The following CPXM2 variants were observed in gnomAD, a reference collection of about 807,000 sequenced individuals.
CPXM2 encodes the protein carboxypeptidase X, M14 family member 2, also known as inactive carboxypeptidase-like protein X2.
In CPXM2, 66 loss-of-function variants were observed where a neutral mutation model predicts 86.1. The observed-to-expected ratio is 0.77, with a 90% CI of 0.63 to 0.94. The LOEUF is 0.94. Among genes scored for constraint, CPXM2 ranks in the 40% least tolerant of loss-of-function variants. CPXM2 has a pLI of 0.00. For missense variants in CPXM2, 948 were observed against 1,026.3 expected, an observed-to-expected ratio of 0.92 and a Z score of 1.04; for synonymous variants, 388 against 400.2, an observed-to-expected ratio of 0.97 and a Z score of 0.36.
rs943131352 is a variant in CPXM2 at position 123,751,425 on chromosome 10, C to T, written c.2017+3238G>A. The T allele has an allele frequency of 1.7e-5, 14 of 835,602 alleles. No individual in the cohort carries two copies. In the Admixed American group the frequency reaches 3.7e-4, roughly 22 times the overall value. The allele number at this position is 835,602 out of a possible 1,614,324, so 51.8% of individuals were successfully genotyped here. A position where few individuals can be genotyped will look rare whatever the true frequency, so the allele number is the denominator to read the frequency against. ...TTTGCCCTTCCGAAGTTTTGCAAAA[C>T]GTCCTGACCTTCTAAGAAGGTTTGC... On this transcript the variant is annotated intron_variant, in intron 13 of 13. Transcript: ENST00000241305.
intron 2 of CPXM2, among the ~76,000 whole-genome samples, chr10:123,866,250 C>CT (rs1346175255): frequency 3.2e-4 from 48 of 152,112 alleles, no homozygotes; most frequent in African/African-American, 9.4e-4. Context: ...TGCCACTCAG[C>CT]GTCCAATCAC....
intron 2 of CPXM2, among the ~76,000 whole-genome samples, chr10:123,932,573 C>T (rs1484494993): frequency 6.6e-6 from 1 of 152,256 alleles, no homozygotes; most frequent in Admixed American, 6.5e-5. Flanking sequence ...TCTGTACGGA[C>T]AGGCTCTCCC....
intron 2 of CPXM2, among the ~76,000 whole-genome samples, chr10:123,872,610 ACT>A (rs1015434157): frequency 6.6e-6 from 1 of 152,042 alleles, no homozygotes; most frequent in African/African-American, 2.4e-5. Context: ...GAAACTGGAA[ACT>A]CTACTGTATT....
upstream of CPXM2, among the ~76,000 whole-genome samples, chr10:123,940,787 G>A (rs561114559): frequency 6.6e-6 from 1 of 152,312 alleles, no homozygotes; most frequent in Admixed American, 6.5e-5. Context: ...GACAAGCCTG[G>A]TGCTTCTTCC....
chr10:123,858,324 G>A (rs565646377), intron 3 of CPXM2, among the ~76,000 whole-genome samples: 47 of 152,348 alleles, frequency 3.1e-4, no homozygotes, highest in African/African-American at 1.1e-3. Context: ...ACACAGGGTG[G>A]GGAATACCCA....
chr10:123,930,655 G>GA (rs1945660183), intron 2 of CPXM2, among the ~76,000 whole-genome samples: 1 of 152,230 alleles, frequency 6.6e-6, no homozygotes, highest in Non-Finnish European at 1.5e-5. Flanking sequence ...AAGTGAATCA[G>GA]GATTTGAAAT....
chr10:123,938,363 C>T (rs773046615), intron 2 of CPXM2, among the ~76,000 whole-genome samples: 4 of 152,190 alleles, frequency 2.6e-5, no homozygotes, highest in Non-Finnish European at 5.9e-5. Context: ...TAGATAGGTG[C>T]AGTGCGGTCT....
In CPXM2 at chr10:123,780,392, C is replaced by A; in HGVS notation, c.890-137G>T. The A allele has an allele frequency of 4.8e-6, 3 of 626,750 alleles. No homozygotes were observed. In the Admixed American group the frequency reaches 7.8e-5, roughly 16 times the overall value. The allele number at this position is 626,750 out of a possible 1,614,324, so 38.8% of individuals were successfully genotyped here. ...TAACGTTGGCTCAGAGATGAGAAAA[C>A]CAACCTGCAGGAAGCAACTTAGGAG... On this transcript the variant is annotated intron_variant, in intron 6 of 13. Transcript: ENST00000241305.
intron 4 of CPXM2, among the ~76,000 whole-genome samples, chr10:123,829,398 G>A (rs1413326584): frequency 1.9e-4 from 28 of 150,368 alleles, no homozygotes; most frequent in Non-Finnish European, 4.4e-5. Flanking sequence ...TTGAGACAGA[G>A]TCTCCCTCTA....
At chr10:123,930,351 G>A (rs1037184944) in intron 2 of CPXM2, among the ~76,000 whole-genome samples, 18 of 152,230 alleles carry the variant, frequency 1.2e-4, no homozygotes, top group Admixed American at 9.8e-4. Flanking sequence ...CTGTCCTCAG[G>A]AGAAAAACAT....
intron 2 of CPXM2, among the ~76,000 whole-genome samples, chr10:123,907,621 T>G (rs771953566): frequency 6.6e-6 from 1 of 151,010 alleles, no homozygotes; most frequent in Non-Finnish European, 1.5e-5. Flanking sequence ...CCCCAAAAGC[T>G]CTGACATTTC....
intron 6 of CPXM2, among the ~76,000 whole-genome samples, chr10:123,794,184 T>G (rs552755967): frequency 4.5e-4 from 68 of 152,270 alleles, no homozygotes; most frequent in African/African-American, 1.5e-3. Flanking sequence ...TCTGTGCCCA[T>G]CACTAGGTTC....
At chr10:123,910,274 C>G (rs1365426929) in intron 2 of CPXM2, among the ~76,000 whole-genome samples, 2 of 152,136 alleles carry the variant, frequency 1.3e-5, no homozygotes, top group African/African-American at 4.8e-5. Context: ...GTTTTTTTTA[C>G]TCCTTCTCCC....
At chr10:123,918,905 C>T (rs1945557836) in intron 2 of CPXM2, among the ~76,000 whole-genome samples, 1 of 152,022 alleles carries the variant, frequency 6.6e-6, no homozygotes, top group Non-Finnish European at 1.5e-5. Flanking sequence ...CTAAAGTGGA[C>T]CCAGTCACAG....
chr10:123,926,963 C>T (rs529422133), intron 2 of CPXM2, among the ~76,000 whole-genome samples: 1 of 152,214 alleles, frequency 6.6e-6, no homozygotes. Flanking sequence ...AGAGAAGAGA[C>T]AGACTTACCC....
intron 6 of CPXM2, among the ~76,000 whole-genome samples, chr10:123,794,568 C>A (rs1291875498): frequency 6.6e-6 from 1 of 151,930 alleles, no homozygotes; most frequent in Admixed American, 6.6e-5. Context: ...TCTTAACTCG[C>A]TTTTTTTTAT....
At position 123,865,808 on chromosome 10, in the gene CPXM2, G is replaced by T. The variant is rs1260937491; in HGVS notation, c.404-3085C>A. Among the ~76,000 whole-genome samples the T allele has an allele frequency of 6.6e-6, 1 of 152,092 alleles. No homozygotes were observed. The highest frequency in any genetic ancestry group is 1.5e-5 in the Non-Finnish European group (1 of 68,016). Reference sequence around the variant, plus strand: ...TGGGTTCTTCCAACTGCCTCCTCCTGGCCAACCCCAGGAGGGGCAACACCT... The same window carrying T: ...TGGGTTCTTCCAACTGCCTCCTCCTTGCCAACCCCAGGAGGGGCAACACCT... On this transcript the variant is annotated intron_variant, in intron 2 of 13. Transcript: ENST00000241305. This position sits in a 1 kb window ranked among gnomAD's most constrained non-coding sequence, Gnocchi z 4.7.
intron 13 of CPXM2, chr10:123,752,560 C>T (rs563514698): frequency 1.1e-4 from 112 of 985,356 alleles, no homozygotes; most frequent in Admixed American, 7.4e-4. Flanking sequence ...ACCCCAGCCT[C>T]GCCTCATCCT....
intron 4 of CPXM2, among the ~76,000 whole-genome samples, chr10:123,833,467 G>C (rs1848210917): frequency 6.6e-6 from 1 of 152,224 alleles, no homozygotes; most frequent in Admixed American, 6.5e-5. Flanking sequence ...GGGGGTGCTG[G>C]AGGTCCCAGC....
Sources: allele counts gnomAD v4.1 joint callset (sites outside exome capture counted in the v4.1 genomes callset), GRCh38; gene constraint gnomAD v4.1.1; non-coding constraint Gnocchi (gnomAD v3.1); transcripts MANE v1.5; gene names NCBI Gene and HGNC (gene_info 2026-07-23, HGNC 2026-07-21).